Variants in TMED5 observed in about 807,000 individuals in gnomAD.
TMED5 encodes the protein transmembrane emp24 domain-containing protein 5.
Under a neutral mutation model 23.0 loss-of-function variants are expected in TMED5, and 27 were observed. The observed-to-expected ratio is 1.17, with a 90% CI of 0.86 to 1.62. The LOEUF (loss-of-function observed/expected upper bound fraction) is 1.62. TMED5 is among the 40% of genes most tolerant of loss of function. The pLI, the probability that TMED5 is intolerant of heterozygous loss-of-function variation, is 0.00. For missense variants in TMED5, 248 were observed against 273.7 expected, an observed-to-expected ratio of 0.91 and a Z score of 0.66; for synonymous variants, 97 against 100.8, an observed-to-expected ratio of 0.96 and a Z score of 0.23.
rs1478480642 is a variant in TMED5, at chr1:93,180,338, C to A, written c.-96G>T. 17 of 1,420,662 alleles carry A rather than the reference C, an allele frequency of 1.2e-5. No homozygotes were observed. Among genetic ancestry groups the A allele is most frequent in the East Asian group, 2.6e-5 (1 of 37,936 alleles). 88.0% of individuals were successfully genotyped at this position (1,420,662 alleles called of 1,614,324 possible). A position where few individuals can be genotyped will look rare whatever the true frequency, so the allele number is the denominator to read the frequency against. The stretch of plus-strand genomic sequence containing the variant: ...GACTCCTCGTGGTTGACAGGGAAAT[C>A]TGGAGTCTGAAGAAACTCCAGGTGG... On this transcript the variant is annotated 5_prime_UTR_variant, in exon 1 of 4. Transcript: ENST00000370282.
chr1:93,165,920 T>C (rs1648487332), intron 1 of TMED5, among the ~76,000 whole-genome samples: 1 of 152,172 alleles, frequency 6.6e-6, no homozygotes, highest in South Asian at 2.1e-4. Context: ...CTCCCACTAC[T>C]CTTCCCAGCC....
chr1:93,179,939 G>C (rs570122389), intron 1 of TMED5, 115 bp downstream of exon 1: 9 of 1,161,838 alleles, frequency 7.7e-6, no homozygotes, highest in African/African-American at 1.6e-5. Context: ...CTTCCTGAAC[G>C]GCCCTCGCCT....
intron 1 of TMED5, among the ~76,000 whole-genome samples, chr1:93,164,322 C>T (rs1387565946): frequency 1.3e-5 from 2 of 152,032 alleles, no homozygotes; most frequent in Non-Finnish European, 2.9e-5. Context: ...GTCACAGTTA[C>T]CTGGGAGCTT....
At chr1:93,166,575 T>C (rs1648515406) in intron 1 of TMED5, among the ~76,000 whole-genome samples, 1 of 152,062 alleles carries the variant, frequency 6.6e-6, no homozygotes, top group Admixed American at 6.6e-5. Context: ...TTGAGAAATG[T>C]CTATTCAAAT....
intron 3 of TMED5, among the ~76,000 whole-genome samples, chr1:93,155,227 CTCAAAAAA>C (rs1648023170): frequency 6.6e-6 from 1 of 152,044 alleles, no homozygotes; most frequent in Non-Finnish European, 1.5e-5. Context: ...GAGACCCTGT[CTCAAAAAA>C]AGTTTTTTTC....
In TMED5 at chr1:93,149,751, A is replaced by T. The variant is rs1042416575; in HGVS notation, c.*4919T>A. 2 of 152,242 alleles carry T rather than the reference A, an allele frequency of 1.3e-5. No homozygotes were observed. Among genetic ancestry groups the T allele is most frequent in the African/African-American group, 4.8e-5 (2 of 41,456 alleles). The allele number at this position is 152,242 out of a possible 1,614,324, so 9.4% of individuals were successfully genotyped here. A position where few individuals can be genotyped will look rare whatever the true frequency, so the allele number is the denominator to read the frequency against. The stretch of plus-strand genomic sequence containing the variant: ...TTTGAGAGAGAGAAACCACATTTGC[A>T]TAACTTTTATTACAATATATTGTTG... On this transcript the variant is annotated 3_prime_UTR_variant, in exon 4 of 4. Transcript: ENST00000370282.
intron 1 of TMED5, among the ~76,000 whole-genome samples, chr1:93,164,936 T>A (rs1648436001): frequency 6.6e-6 from 1 of 152,226 alleles, no homozygotes; most frequent in East Asian, 1.9e-4. Context: ...GCTGGCACTT[T>A]CTCTTGCCCT....
At position 93,151,741 on chromosome 1, in the gene TMED5, T is replaced by TAGAG. The variant is rs1647880648; in HGVS notation, c.*2925_*2928dup. 1 of 152,150 alleles carries TAGAG rather than the reference T, an allele frequency of 6.6e-6. No individual in the cohort carries two copies. Among genetic ancestry groups the TAGAG allele is most frequent in the South Asian group, 2.1e-4 (1 of 4,828 alleles). 9.4% of individuals were successfully genotyped at this position (152,150 alleles called of 1,614,324 possible). On this transcript the variant is annotated 3_prime_UTR_variant, in exon 4 of 4. Transcript: ENST00000370282. ...GTAGAGTGATGTACAATAAGAGGTG[T>TAGAG]AGAGAGCTATGGGGTTTCAAAACAG...
intron 2 of TMED5, among the ~76,000 whole-genome samples, chr1:93,159,086 A>G (rs902428659): frequency 6.6e-6 from 1 of 152,258 alleles, no homozygotes; most frequent in South Asian, 2.1e-4. Context: ...CCATTCATAC[A>G]TGTATTCAGT....
At chr1:93,180,011 A>G (rs1268427779) in intron 1 of TMED5, 43 bp downstream of exon 1, 1 of 1,582,764 alleles carries the variant, frequency 6.3e-7, no homozygotes, top group African/African-American at 1.4e-5. Flanking sequence ...AACGCAGTGC[A>G]GCTGGGTTAA....
chr1:93,176,506 T>TAC (rs1321853135), intron 1 of TMED5, among the ~76,000 whole-genome samples: 5 of 89,112 alleles, frequency 5.6e-5, no homozygotes, highest in Non-Finnish European at 1.2e-4. Flanking sequence ...GGGCACAGAC[T>TAC]ATACACACAC....
intron 2 of TMED5, among the ~76,000 whole-genome samples, chr1:93,156,807 C>CAAAAAAAAAAAAAAAAAAAAAAAAACAA (rs10572798): frequency 1.1e-5 from 1 of 90,498 alleles, no homozygotes; most frequent in Non-Finnish European, 2.3e-5. Flanking sequence ...GATCCTGTCT[C>CAAAAAAAAAAAAAAAAAAAAAAAAACAA]AAAAAAAAAA....
intron 2 of TMED5, among the ~76,000 whole-genome samples, chr1:93,159,509 A>G (rs1648195300): frequency 6.6e-6 from 1 of 152,182 alleles, no homozygotes; most frequent in Admixed American, 6.5e-5. Flanking sequence ...GAAACATACC[A>G]GTGAGATATG....
intron 1 of TMED5, among the ~76,000 whole-genome samples, chr1:93,172,281 G>A (rs1339415403): frequency 2.0e-5 from 3 of 152,092 alleles, no homozygotes; most frequent in Admixed American, 6.5e-5. Context: ...AACTGTCCTT[G>A]TGATAGTCCA....
At position 93,153,841 on chromosome 1, in the gene TMED5, C is replaced by CAGAT. The variant is rs1230506106; in HGVS notation, c.*825_*828dup. ...TAACTGTTGACAGATATTAACTTGACAGATACTATTAAAAATAAACTTATT... is the reference window on the plus strand; with the variant it reads ...TAACTGTTGACAGATATTAACTTGACAGATAGATACTATTAAAAATAAACTTATT... On this transcript the variant is annotated 3_prime_UTR_variant, in exon 4 of 4. Coordinates refer to ENST00000370282, the MANE Select transcript of TMED5 (RefSeq NM_016040.5). The CAGAT allele has an allele frequency of 9.2e-5, 14 of 152,072 alleles. No individual in the cohort carries two copies. The highest frequency in any genetic ancestry group is 2.6e-4 in the Admixed American group (4 of 15,284). 9.4% of individuals were successfully genotyped at this position (152,072 alleles called of 1,614,324 possible).
chr1:93,172,855 G>A (rs1648773809), intron 1 of TMED5, among the ~76,000 whole-genome samples: 1 of 152,082 alleles, frequency 6.6e-6, no homozygotes, highest in Non-Finnish European at 1.5e-5. Flanking sequence ...AACAACCTAA[G>A]TGTCCATTAA....
intron 1 of TMED5, among the ~76,000 whole-genome samples, chr1:93,170,163 G>C (rs1444349426): frequency 2.6e-5 from 4 of 152,256 alleles, no homozygotes; most frequent in Non-Finnish European, 5.9e-5. Context: ...CGCCCACTCT[G>C]GCCACGCCTG....
chr1:93,156,000 A>G (rs1426875391), intron 3 of TMED5: 1 of 1,187,372 alleles, frequency 8.4e-7, no homozygotes, highest in East Asian at 2.7e-5. Context: ...TTTATAATTT[A>G]AAAATTCTAA....
chr1:93,178,437 T>C lies in TMED5; in HGVS notation c.189+1617A>G, dbSNP rs538824146. 7.7e-4 allele frequency among the ~76,000 whole-genome samples: 117 copies of C among 152,320 alleles called. 1 individual carries two copies. Among genetic ancestry groups the C allele is most frequent in the African/African-American group, 2.7e-3 (114 of 41,576 alleles). Reference sequence around the variant, plus strand: ...TTTATTTTCTCCAGGAATCCTCTTCTGAAACCCTTAGAAGTGACCCTCCTC... The same window carrying C: ...TTTATTTTCTCCAGGAATCCTCTTCCGAAACCCTTAGAAGTGACCCTCCTC... On this transcript the variant is annotated intron_variant, in intron 1 of 3. Transcript: ENST00000370282.
Sources: gnomAD v4.1 joint callset for allele counts (sites outside exome capture counted in the v4.1 genomes callset) on GRCh38, gnomAD v4.1.1 for gene constraint, MANE v1.5 for transcripts, NCBI Gene and HGNC (gene_info 2026-07-23, HGNC 2026-07-21) for gene names.